Variants in TULP4 observed in about 807,000 individuals in gnomAD.
The protein encoded by TULP4 is tubby-related protein 4.
TULP4 carries 16 observed loss-of-function variants against 129.0 expected under a neutral mutation model. That is an observed-to-expected ratio of 0.12 (90% CI 0.08 to 0.19). The LOEUF is 0.19. Ranked by LOEUF, TULP4 falls within the 10% of genes least tolerant of loss-of-function variation. The probability of loss-of-function intolerance (pLI) is 1.00; values close to 1 mark genes in which losing one functional copy is unlikely to be tolerated. For missense variants in TULP4, 1,842 were observed against 2,059.1 expected (o/e 0.89, Z 2.04); for synonymous variants, 998 against 854.0 (o/e 1.17, Z -2.94).
chr6:158,281,750 T>C (rs942621081), upstream of TULP4, among the ~76,000 whole-genome samples: 5 of 152,230 alleles, frequency 3.3e-5, no homozygotes, highest in Admixed American at 2.6e-4. Context: ...TACCCATTAA[T>C]GTTAAGCTTT....
chr6:158,482,851 G>T (rs540981541), intron 8 of TULP4, among the ~76,000 whole-genome samples: 1 of 152,358 alleles, frequency 6.6e-6, no homozygotes, highest in East Asian at 1.9e-4. Flanking sequence ...AGGCTGTGCT[G>T]TGGAGTACCC....
intron 8 of TULP4, among the ~76,000 whole-genome samples, chr6:158,483,720 C>T (rs1780000875): frequency 6.6e-6 from 1 of 151,990 alleles, no homozygotes; most frequent in Non-Finnish European, 1.5e-5. Context: ...ACCTGGGATG[C>T]TTATTTAAAT....
intron 13 of TULP4, among the ~76,000 whole-genome samples, chr6:158,505,191 A>G (rs1562596716): frequency 6.6e-6 from 1 of 152,196 alleles, no homozygotes; most frequent in Non-Finnish European, 1.5e-5. Context: ...CCAGCCCAGA[A>G]GGGTTGCTCT....
At chr6:158,388,333 T>TTTTC (rs1777501857) in intron 1 of TULP4, among the ~76,000 whole-genome samples, 3 of 132,296 alleles carry the variant, frequency 2.3e-5, no homozygotes, top group Admixed American at 7.5e-5. Flanking sequence ...TTTTTTTTTT[T>TTTTC]TTTTTTTTTT....
Position 158,503,209 on chromosome 6 carries a change from A to G in TULP4, c.3546A>G (p.Gln1182=). ...CTGCCAGCCCCACTGCCACTTTCCA[A>G]ACAGGCTATGGGATGGGAGTGCCAT... ...KSPASPTATF[Q]TGYGMGVPYP... Residue 1182 remains glutamine, a synonymous_variant, in exon 13 of 14, where the codon CAA becomes CAG. Coordinates refer to ENST00000367097, the MANE Select transcript of TULP4 (RefSeq NM_020245.5). This position sits in a 1 kb window ranked among gnomAD's most constrained non-coding sequence, Gnocchi z 4.3. 4 of 1,613,866 alleles carry G rather than the reference A, an allele frequency of 2.5e-6. No homozygotes were observed. In the South Asian group the frequency reaches 3.3e-5, roughly 13 times the overall value.
chr6:158,274,649 C>A (rs553480733), intron 1 of TULP4, among the ~76,000 whole-genome samples: 22 of 152,208 alleles, frequency 1.4e-4, no homozygotes, highest in Non-Finnish European at 2.1e-4. Context: ...TGGTGGCGGG[C>A]GCCTGTAGTC....
chr6:158,238,004 CAGG>C (rs769612145), intron 1 of TULP4: 5 of 719,098 alleles, frequency 7.0e-6, no homozygotes, highest in African/African-American at 1.7e-5. Flanking sequence ...GACAAATGAG[CAGG>C]AGATTTGAGC....
At position 158,365,478 on chromosome 6, in the gene TULP4, CT is replaced by C. The variant is rs1253762841; in HGVS notation, c.253-47577del. Among the ~76,000 whole-genome samples, 149 of 82,970 alleles carry C rather than the reference CT, an allele frequency of 1.8e-3. 1 individual carries two copies. Among genetic ancestry groups the C allele is most frequent in the Non-Finnish European group, 3.0e-3 (115 of 38,476 alleles). The allele number at this position is 82,970 out of a possible 152,430, so 54.4% of individuals were successfully genotyped here. A position where few individuals can be genotyped will look rare whatever the true frequency, so the allele number is the denominator to read the frequency against. On this transcript the variant is annotated intron_variant, in intron 1 of 13. Transcript: ENST00000367097. Reference sequence around the variant, plus strand: ...TTTCTTTTTTTCTTTTTTCTTTTTTCTTTTTTTTTTGTTTTTGAGACAGAGT... The same window carrying C: ...TTTCTTTTTTTCTTTTTTCTTTTTTCTTTTTTTTTGTTTTTGAGACAGAGT...
chr6:158,245,374 C>T (rs1778009571), intron 1 of TULP4, among the ~76,000 whole-genome samples: 1 of 151,706 alleles, frequency 6.6e-6, no homozygotes, highest in South Asian at 2.1e-4. Flanking sequence ...ATGACTTCTG[C>T]TGTTCCTTCT....
intron 1 of TULP4, among the ~76,000 whole-genome samples, chr6:158,344,270 C>T (rs985186333): frequency 2.6e-5 from 4 of 152,234 alleles, no homozygotes; most frequent in East Asian, 3.8e-4. Context: ...CTCAGCCCAC[C>T]TGCACCCAGG....
At chr6:158,414,187 T>C (rs556067123) in intron 2 of TULP4, among the ~76,000 whole-genome samples, 2 of 152,284 alleles carry the variant, frequency 1.3e-5, no homozygotes, top group African/African-American at 4.8e-5. Flanking sequence ...CTGAGTTGAT[T>C]TGGTAGAGTA....
At chr6:158,260,346 G>A (rs1583683932) in intron 1 of TULP4, among the ~76,000 whole-genome samples, 1 of 152,142 alleles carries the variant, frequency 6.6e-6, no homozygotes, top group East Asian at 1.9e-4. Context: ...GTTCTTGCAG[G>A]AAGTTTCTGA....
At chr6:158,304,481 A>G (rs1326423850) in intron 1 of TULP4, among the ~76,000 whole-genome samples, 2 of 152,160 alleles carry the variant, frequency 1.3e-5, no homozygotes, top group East Asian at 3.8e-4. Flanking sequence ...CTTAATGAAA[A>G]CACCCAGGAT....
chr6:158,338,293 T>A (rs1780092152), intron 1 of TULP4, among the ~76,000 whole-genome samples: 1 of 152,134 alleles, frequency 6.6e-6, no homozygotes, highest in Non-Finnish European at 1.5e-5. Flanking sequence ...AGTGCTGGAA[T>A]TATAGATGTG....
At chr6:158,323,631 G>C (rs113422709) in intron 1 of TULP4, among the ~76,000 whole-genome samples, 1 of 152,174 alleles carries the variant, frequency 6.6e-6, no homozygotes, top group Non-Finnish European at 1.5e-5. Flanking sequence ...TACAGAGAGG[G>C]CATAGTTGGT....
At chr6:158,496,132 G>T (rs17504391) in intron 11 of TULP4, among the ~76,000 whole-genome samples, 16,074 of 152,222 alleles carry the variant, frequency 0.11, 942 homozygotes, top group Middle Eastern at 0.14. Context: ...AGGTCCCTAT[G>T]TGAGTTGAGG....
At chr6:158,374,613 T>C (rs569032936) in intron 1 of TULP4, among the ~76,000 whole-genome samples, 1 of 152,374 alleles carries the variant, frequency 6.6e-6, no homozygotes, top group African/African-American at 2.4e-5. Context: ...CTGTTTTACT[T>C]CTTAAAGTCT....
intron 1 of TULP4, among the ~76,000 whole-genome samples, chr6:158,276,287 T>C (rs1257299225): frequency 1.4e-5 from 2 of 142,686 alleles, no homozygotes; most frequent in East Asian, 2.5e-4. Context: ...TTTTTCTTCT[T>C]CCTTCTTTCT....
chr6:158,304,967 C>G (rs79171400), intron 1 of TULP4, among the ~76,000 whole-genome samples: 1,819 of 152,078 alleles, frequency 0.012, 41 homozygotes, highest in African/African-American at 0.04. Flanking sequence ...GTGCCCAGCC[C>G]ATTTTTACCA....
Sources: gnomAD v4.1 joint callset for allele counts (sites outside exome capture counted in the v4.1 genomes callset) on GRCh38, gnomAD v4.1.1 for gene constraint, Gnocchi (gnomAD v3.1) non-coding constraint, MANE v1.5 for transcripts, NCBI Gene and HGNC (gene_info 2026-07-23, HGNC 2026-07-21) for gene names.